ROBO1: variants seen among roughly 807,000 people sequenced by gnomAD.
ROBO1 encodes the protein roundabout guidance receptor 1.
ROBO1 carries 149 observed loss-of-function variants against 195.9 expected under a neutral mutation model. The ratio of observed to expected loss-of-function variants is 0.76; its 90% CI spans 0.67 to 0.87. The LOEUF (loss-of-function observed/expected upper bound fraction) is 0.87. ROBO1 is among the 40% of genes least tolerant of loss of function. The pLI, the probability that ROBO1 is intolerant of heterozygous loss-of-function variation, is 0.00. For missense variants in ROBO1, 1,933 were observed against 2,068.3 expected (o/e 0.93, Z 1.27); for synonymous variants, 816 against 733.2 (o/e 1.11, Z -1.82).
chr3:78,878,189 C>T (rs1445716805), intron 4 of ROBO1, among the ~76,000 whole-genome samples: 1 of 152,154 alleles, frequency 6.6e-6, no homozygotes, highest in Non-Finnish European at 1.5e-5. Flanking sequence ...AAACAATTTA[C>T]TCCCAAACCC....
intron 29 of ROBO1, among the ~76,000 whole-genome samples, chr3:78,601,884 C>T (rs970400218): frequency 6.6e-6 from 1 of 152,112 alleles, no homozygotes; most frequent in Non-Finnish European, 1.5e-5. Flanking sequence ...GCTTTCCTTC[C>T]TCCCTGGTCA....
chr3:79,405,657 A>G (rs73848875), intron 2 of ROBO1, among the ~76,000 whole-genome samples: 3,328 of 152,282 alleles, frequency 0.022, 103 homozygotes, highest in African/African-American at 0.074. Context: ...CTCACTGGAT[A>G]AAAAAGGGAT....
At chr3:79,297,752 T>C (rs2032671156) in intron 2 of ROBO1, among the ~76,000 whole-genome samples, 1 of 152,154 alleles carries the variant, frequency 6.6e-6, no homozygotes, top group Admixed American at 6.5e-5. Context: ...GGTGAGATCA[T>C]GTCACTACTA....
chr3:79,255,825 G>A (rs1175521997), intron 2 of ROBO1, among the ~76,000 whole-genome samples: 1 of 152,106 alleles, frequency 6.6e-6, no homozygotes, highest in Non-Finnish European at 1.5e-5. Context: ...AGGAAGAAGT[G>A]CATTGAGAGA....
intron 3 of ROBO1, among the ~76,000 whole-genome samples, chr3:79,084,323 A>AC (rs1429391275): frequency 6.6e-6 from 1 of 152,016 alleles, no homozygotes; most frequent in Non-Finnish European, 1.5e-5. Flanking sequence ...ACATGGAGAA[A>AC]CCCCGTCTCT....
At chr3:79,263,654 A>G (rs1485563366) in intron 2 of ROBO1, among the ~76,000 whole-genome samples, 1 of 151,978 alleles carries the variant, frequency 6.6e-6, no homozygotes, top group Non-Finnish European at 1.5e-5. Flanking sequence ...AACAAACAAG[A>G]ACAAAATACC....
chr3:79,570,091 T>G (rs563021739), intron 2 of ROBO1, among the ~76,000 whole-genome samples: 1 of 151,752 alleles, frequency 6.6e-6, no homozygotes, highest in Non-Finnish European at 1.5e-5. Flanking sequence ...AAATGTAAGA[T>G]CCTATGTTAA....
At chr3:79,069,560 A>G (rs2079054089) in intron 3 of ROBO1, among the ~76,000 whole-genome samples, 1 of 151,922 alleles carries the variant, frequency 6.6e-6, no homozygotes, top group South Asian at 2.1e-4. Context: ...CATTCTTGAC[A>G]TGTCAACAAA....
At chr3:79,252,022 GAA>G (rs768714495) in intron 2 of ROBO1, among the ~76,000 whole-genome samples, 13 of 132,896 alleles carry the variant, frequency 9.8e-5, no homozygotes, top group African/African-American at 1.6e-4. Context: ...CAATTTTAAA[GAA>G]AAAAAAAAAA....
chr3:79,006,180 TAGGACAAA>T (rs1295237200), intron 3 of ROBO1, among the ~76,000 whole-genome samples: 1 of 152,150 alleles, frequency 6.6e-6, no homozygotes. Flanking sequence ...TTGTTAGCTT[TAGGACAAA>T]AGAATAAACA....
chr3:78,660,488 T>A (rs1039695602), intron 16 of ROBO1: 4 of 152,736 alleles, frequency 2.6e-5, no homozygotes, highest in African/African-American at 9.6e-5. Context: ...CAAAGACATG[T>A]TGGGAAAAAT....
chr3:79,116,766 C>A (rs2080011698), intron 3 of ROBO1, among the ~76,000 whole-genome samples: 1 of 152,048 alleles, frequency 6.6e-6, no homozygotes, highest in Non-Finnish European at 1.5e-5. Flanking sequence ...GATCCGCCCA[C>A]CTTGGCCTCC....
intron 4 of ROBO1, among the ~76,000 whole-genome samples, chr3:78,912,898 T>C (rs1030928637): frequency 1.3e-5 from 2 of 152,108 alleles, no homozygotes; most frequent in Admixed American, 6.6e-5. Flanking sequence ...TCACAAGAAG[T>C]GTTTCTGCTG....
intron 2 of ROBO1, among the ~76,000 whole-genome samples, chr3:79,362,783 CA>C (rs1306947519): frequency 6.6e-6 from 1 of 152,082 alleles, no homozygotes; most frequent in African/African-American, 2.4e-5. Context: ...ATTTAGCTAA[CA>C]ATGCTGTGAT....
chr3:79,041,906 C>T (rs2078493801), intron 3 of ROBO1, among the ~76,000 whole-genome samples: 1 of 152,088 alleles, frequency 6.6e-6, no homozygotes, highest in South Asian at 2.1e-4. Flanking sequence ...CATAATTTTG[C>T]TCTTAGTTCT....
At chr3:78,949,613 T>C (rs1250498906) in intron 3 of ROBO1, among the ~76,000 whole-genome samples, 6 of 152,148 alleles carry the variant, frequency 3.9e-5, no homozygotes, top group Admixed American at 2.6e-4. Flanking sequence ...AAGGACTTCA[T>C]GTCTAAAACA....
At chr3:79,764,764 A>C (rs1387959167) in intron 1 of ROBO1, among the ~76,000 whole-genome samples, 3 of 152,230 alleles carry the variant, frequency 2.0e-5, no homozygotes, top group Admixed American at 6.5e-5. Flanking sequence ...ATCTCTGGTC[A>C]ATGTTATTTT....
intron 4 of ROBO1, among the ~76,000 whole-genome samples, chr3:78,905,448 T>C (rs1482852495): frequency 1.3e-5 from 2 of 152,000 alleles, no homozygotes; most frequent in Non-Finnish European, 2.9e-5. Context: ...GATTAGCCTT[T>C]GCAACATAGA....
intron 1 of ROBO1, among the ~76,000 whole-genome samples, chr3:79,740,076 TAATATAA>T (rs1193825972): frequency 6.6e-6 from 1 of 151,092 alleles, no homozygotes; most frequent in Non-Finnish European, 1.5e-5. Flanking sequence ...TCATTAACTT[TAATATAA>T]AATAATAATT....
Sources: allele counts gnomAD v4.1 joint callset (sites outside exome capture counted in the v4.1 genomes callset), GRCh38; gene constraint gnomAD v4.1.1; transcripts MANE v1.5; gene names NCBI Gene and HGNC (gene_info 2026-07-23, HGNC 2026-07-21).